The following STIL variants were observed in gnomAD, a reference collection of about 807,000 sequenced individuals.
STIL encodes SCL-interrupting locus protein.
In STIL, 55 loss-of-function variants were observed where a neutral mutation model predicts 110.1. The observed-to-expected ratio is 0.50, with a 90% CI of 0.40 to 0.63. The LOEUF is 0.63. Ranked by LOEUF, STIL falls within the 20% of genes least tolerant of loss-of-function variation. The probability of loss-of-function intolerance (pLI) is 0.00; values close to 1 mark genes in which losing one functional copy is unlikely to be tolerated. For synonymous variants in STIL, 481 were observed against 530.0 expected (o/e 0.91, Z 1.27); for missense variants, 1,358 against 1,530.0 (o/e 0.89, Z 1.87).
chr1:47,257,066 T>C (rs977241934), intron 16 of STIL, among the ~76,000 whole-genome samples: 6 of 152,038 alleles, frequency 3.9e-5, no homozygotes, highest in Non-Finnish European at 8.8e-5. Flanking sequence ...GATAAGGATT[T>C]TGGCAAGCAG....
chr1:47,273,388 C>T (rs1403825794), intron 12 of STIL, among the ~76,000 whole-genome samples: 4 of 152,324 alleles, frequency 2.6e-5, no homozygotes, highest in Admixed American at 1.3e-4. Flanking sequence ...GAGCCCCTGA[C>T]GGTCTAACAT....
chr1:47,297,325 C>G (rs1177009441), intron 6 of STIL, among the ~76,000 whole-genome samples: 1 of 145,364 alleles, frequency 6.9e-6, no homozygotes, highest in African/African-American at 2.5e-5. Flanking sequence ...AGCCTGGCAA[C>G]AGAGCAAGAC....
intron 15 of STIL, among the ~76,000 whole-genome samples, chr1:47,262,362 C>T (rs535052245): frequency 1.3e-5 from 2 of 152,256 alleles, no homozygotes; most frequent in South Asian, 4.1e-4. Flanking sequence ...CCCCTTTATT[C>T]TGTGTTCTCT....
intron 3 of STIL, among the ~76,000 whole-genome samples, 191 bp downstream of exon 3, chr1:47,304,698 G>A (rs1645901344): frequency 6.6e-6 from 1 of 152,144 alleles, no homozygotes; most frequent in Admixed American, 6.5e-5. Flanking sequence ...AAACTGGGAA[G>A]ATAAGATTAT....
intron 11 of STIL, 26 bp from the exon 12 acceptor site, chr1:47,281,235 A>T: frequency 6.2e-7 from 1 of 1,603,140 alleles, no homozygotes; most frequent in Non-Finnish European, 8.5e-7. Flanking sequence ...AAATAGAAAA[A>T]AAAAGTATTT....
intron 6 of STIL, among the ~76,000 whole-genome samples, chr1:47,296,924 C>G (rs1225954497): frequency 6.6e-6 from 1 of 152,204 alleles, no homozygotes; most frequent in Non-Finnish European, 1.5e-5. Flanking sequence ...ATACATTTGT[C>G]AGGTCTTGTG....
Position 47,281,152 on chromosome 1 carries a change from T to G in STIL, c.1306A>C (p.Ile436Leu). Residue 436 changes from isoleucine to leucine, a missense_variant, in exon 12 of 17, where the codon ATA (isoleucine) becomes CTA (leucine). Coordinates refer to ENST00000371877, the MANE Select transcript of STIL (RefSeq NM_001048166.1). ...GGAGTAGGCAGAGGGTTTGATTCTA[T>G]GAAATTGCCATCCAACACAAGTGAA... ...ELSLVLDGNF[I>L]ESNPLPTPLE... 1 of 1,613,926 alleles carries G rather than the reference T, an allele frequency of 6.2e-7. No homozygotes were observed. Among genetic ancestry groups the G allele is most frequent in the Non-Finnish European group, 8.5e-7 (1 of 1,179,986 alleles).
intron 13 of STIL, among the ~76,000 whole-genome samples, chr1:47,270,084 C>G (rs1644774836): frequency 1.3e-5 from 2 of 151,474 alleles, no homozygotes; most frequent in African/African-American, 4.9e-5. Context: ...AAAAAAAATA[C>G]AAAAAAATTA....
chr1:47,255,533 A>AG (rs1237093246), intron 16 of STIL, among the ~76,000 whole-genome samples: 1 of 139,280 alleles, frequency 7.2e-6, no homozygotes, highest in Non-Finnish European at 1.5e-5. Context: ...TGGGCAACAG[A>AG]GCGAGACCCT....
chr1:47,267,587 C>A lies in STIL; in HGVS notation c.2615+2048G>T, dbSNP rs1353579296. 2.7e-5 allele frequency among the ~76,000 whole-genome samples: 4 copies of A among 150,348 alleles called. No individual in the cohort carries two copies. In the East Asian group the frequency reaches 7.9e-4, roughly 30 times the overall value. ...AGGTGTGGTGGCCCGTGCCTGTAGT[C>A]CCAGCTACTTGGGAGGCTGAGGTTG... On this transcript the variant is annotated intron_variant, in intron 14 of 16. Coordinates refer to ENST00000371877, the MANE Select transcript of STIL (RefSeq NM_001048166.1).
chr1:47,303,534 C>T (rs1166624554), intron 3 of STIL, among the ~76,000 whole-genome samples: 3 of 152,154 alleles, frequency 2.0e-5, no homozygotes, highest in East Asian at 1.9e-4. Flanking sequence ...CACTGCACTC[C>T]AGCCTGGACA....
intron 16 of STIL, among the ~76,000 whole-genome samples, chr1:47,256,547 G>C (rs1355645034): frequency 6.6e-6 from 1 of 151,648 alleles, no homozygotes; most frequent in African/African-American, 2.4e-5. Flanking sequence ...CTTGAACCTG[G>C]GGGGCGGAGG....
At chr1:47,256,585 C>T (rs1201099303) in intron 16 of STIL, among the ~76,000 whole-genome samples, 2 of 146,380 alleles carry the variant, frequency 1.4e-5, no homozygotes, top group Non-Finnish European at 3.0e-5. Context: ...CATGCCACTA[C>T]ACTCCAGCCT....
intron 12 of STIL, among the ~76,000 whole-genome samples, chr1:47,275,368 G>A (rs1348111037): frequency 6.6e-6 from 1 of 151,752 alleles, no homozygotes; most frequent in African/African-American, 2.4e-5. Context: ...CAGCACTTTG[G>A]GAGGCTGAGG....
chr1:47,265,998 G>A (rs1039250394), intron 14 of STIL, among the ~76,000 whole-genome samples: 6 of 151,804 alleles, frequency 4.0e-5, no homozygotes, highest in African/African-American at 1.5e-4. Flanking sequence ...AAATACCTTA[G>A]CACAAGCAAT....
chr1:47,260,256 A>G (rs1644445174), intron 16 of STIL, 33 bp downstream of exon 16: 2 of 1,576,974 alleles, frequency 1.3e-6, no homozygotes, highest in African/African-American at 2.7e-5. Context: ...AATAAAATTT[A>G]TTCACTCTTT....
chr1:47,294,560 C>T lies in STIL; in HGVS notation c.786-1016G>A, dbSNP rs1450948193. 9.8e-5 allele frequency among the ~76,000 whole-genome samples: 15 copies of T among 152,354 alleles called. No individual in the cohort carries two copies. The South Asian group carries it at 2.9e-3, about 29-fold the overall frequency. On this transcript the variant is annotated intron_variant, in intron 7 of 16. Transcript: ENST00000371877. ...CCTAGCCAGGCGTGATGGCCGGTGC[C>T]TGTAGTCCTAGCTATTCAGGAGGCT...
intron 16 of STIL, among the ~76,000 whole-genome samples, chr1:47,253,276 CTTT>C (rs1254898098): frequency 6.6e-6 from 1 of 152,152 alleles, no homozygotes; most frequent in Non-Finnish European, 1.5e-5. Flanking sequence ...CTTTCCCCTA[CTTT>C]TTTGTTTTCT....
In STIL at chr1:47,250,238, TTTC is replaced by T. The variant is rs200954754; in HGVS notation, c.*895_*897del. On this transcript the variant is annotated 3_prime_UTR_variant, in exon 17 of 17. Coordinates refer to ENST00000371877, the MANE Select transcript of STIL (RefSeq NM_001048166.1). Reference sequence around the variant, plus strand: ...ATAAAACACACTCATACTCAATAATTTTCTTATTCTTTGATAGCCAGTGTGACA... The same window carrying T: ...ATAAAACACACTCATACTCAATAATTTTATTCTTTGATAGCCAGTGTGACA... The T allele has an allele frequency of 3.2e-4, 55 of 173,334 alleles. 1 individual carries two copies. The East Asian group carries it at 3.3e-3, about 10-fold the overall frequency. 10.7% of individuals were successfully genotyped at this position (173,334 alleles called of 1,614,324 possible).
Sources: gnomAD v4.1 joint callset for allele counts (sites outside exome capture counted in the v4.1 genomes callset) on GRCh38, gnomAD v4.1.1 for gene constraint, MANE v1.5 for transcripts, NCBI Gene and HGNC (gene_info 2026-07-23, HGNC 2026-07-21) for gene names.